Variants in TFCP2L1 observed in about 807,000 individuals in gnomAD.
TFCP2L1 encodes transcription factor CP2-like protein 1.
Under a neutral mutation model 72.2 loss-of-function variants are expected in TFCP2L1, and 12 were observed. The observed-to-expected ratio is 0.17, with a 90% CI of 0.11 to 0.27. The LOEUF (loss-of-function observed/expected upper bound fraction) is 0.27, where lower values mean the gene tolerates loss of function less well. TFCP2L1 is among the 10% of genes least tolerant of loss of function. TFCP2L1 has a pLI of 1.00. For synonymous variants in TFCP2L1, 260 were observed against 251.0 expected (o/e 1.04, Z -0.34); for missense variants, 488 against 624.6 (o/e 0.78, Z 2.33).
chr2:121,242,940 G>C (rs1686409003), intron 6 of TFCP2L1, among the ~76,000 whole-genome samples: 1 of 152,242 alleles, frequency 6.6e-6, no homozygotes, highest in Admixed American at 6.5e-5. Flanking sequence ...TCCATCCAGA[G>C]AGAGAGCCTG....
chr2:121,278,146 C>G (rs1687183884), intron 2 of TFCP2L1, among the ~76,000 whole-genome samples: 2 of 148,580 alleles, frequency 1.3e-5, no homozygotes, highest in African/African-American at 4.9e-5. Flanking sequence ...ACGCCATTCT[C>G]CTGCCTCAGC....
chr2:121,266,669 T>G (rs895326924), intron 2 of TFCP2L1, among the ~76,000 whole-genome samples: 11 of 152,136 alleles, frequency 7.2e-5, no homozygotes, highest in African/African-American at 2.7e-4. Flanking sequence ...GGACTTGCTT[T>G]AATCCGTTCT....
At chr2:121,273,534 C>CG (rs1687087201) in intron 2 of TFCP2L1, among the ~76,000 whole-genome samples, 1 of 152,198 alleles carries the variant, frequency 6.6e-6, no homozygotes, top group Non-Finnish European at 1.5e-5. Flanking sequence ...ACTAGCCACT[C>CG]GGCTTGGTGA....
intron 10 of TFCP2L1, among the ~76,000 whole-genome samples, chr2:121,236,013 G>A (rs145733262): frequency 1.1e-3 from 165 of 152,210 alleles, no homozygotes; most frequent in Non-Finnish European, 1.9e-3. Context: ...GGAATTGAAC[G>A]GTAGGCACTC....
At chr2:121,268,567 A>G (rs1053468537) in intron 2 of TFCP2L1, among the ~76,000 whole-genome samples, 13 of 151,912 alleles carry the variant, frequency 8.6e-5, no homozygotes, top group Non-Finnish European at 7.4e-5. Context: ...CCTATATGGC[A>G]AAAAAATACA....
In TFCP2L1 at chr2:121,222,466, C is replaced by T. The variant is rs1685943936; in HGVS notation, c.*1875G>A. On this transcript the variant is annotated 3_prime_UTR_variant, in exon 15 of 15. Transcript: ENST00000263707. ...ATCTATACAATGAAGTATTATTCAG[C>T]AATACAAAAGAATGAAGTACTGATA... 6.6e-6 allele frequency: 1 copy of T among 152,116 alleles called. No individual in the cohort carries two copies. The highest frequency in any genetic ancestry group is 6.5e-5 in the Admixed American group (1 of 15,272). The allele number at this position is 152,116 out of a possible 1,614,324, so 9.4% of individuals were successfully genotyped here. A position where few individuals can be genotyped will look rare whatever the true frequency, so the allele number is the denominator to read the frequency against.
chr2:121,224,031 G>A lies in TFCP2L1; in HGVS notation c.*310C>T, dbSNP rs111399607. 4,746 of 405,052 alleles carry A rather than the reference G, an allele frequency of 0.012. 176 individuals are homozygous for A. Among genetic ancestry groups the A allele is most frequent in the African/African-American group, 0.083 (4,139 of 49,860 alleles). 25.1% of individuals were successfully genotyped at this position (405,052 alleles called of 1,614,324 possible). A position where few individuals can be genotyped will look rare whatever the true frequency, so the allele number is the denominator to read the frequency against. On this transcript the variant is annotated 3_prime_UTR_variant, in exon 15 of 15. Transcript: ENST00000263707. ...ATCAGCTTCCAACTAAGGGATGAGG[G>A]ATTTCAGAGCAGACGTCTCCACTGT...
rs538589474 is a variant in TFCP2L1 at position 121,275,124 on chromosome 2, C to T, written c.214+5996G>A. Among the ~76,000 whole-genome samples, 5 of 152,070 alleles carry T rather than the reference C, an allele frequency of 3.3e-5. No individual in the cohort carries two copies. The East Asian group carries it at 9.7e-4, about 29-fold the overall frequency. On this transcript the variant is annotated intron_variant, in intron 2 of 14. Coordinates refer to ENST00000263707, the MANE Select transcript of TFCP2L1 (RefSeq NM_014553.3). Reference sequence around the variant, plus strand: ...TAGAGGCTGGGCGCGGTGGCTCACACCTGTAATCCCAGCACTTTGGGAGGC... The same window carrying T: ...TAGAGGCTGGGCGCGGTGGCTCACATCTGTAATCCCAGCACTTTGGGAGGC...
At chr2:121,278,238 T>C (rs1439780477) in intron 2 of TFCP2L1, among the ~76,000 whole-genome samples, 2 of 147,674 alleles carry the variant, frequency 1.4e-5, no homozygotes, top group East Asian at 4.1e-4. Flanking sequence ...GGGTTTCACC[T>C]TGTTAGCCAG....
chr2:121,247,082 C>T, intron 5 of TFCP2L1, 112 bp from the exon 6 acceptor site: 1 of 1,245,590 alleles, frequency 8.0e-7, no homozygotes, highest in Non-Finnish European at 1.1e-6. Context: ...TCAGTGCAGG[C>T]CTGCCTCGAC....
intron 7 of TFCP2L1, among the ~76,000 whole-genome samples, chr2:121,242,083 CAAAAAAAAAAAA>C (rs541937558): frequency 3.1e-5 from 2 of 65,486 alleles, no homozygotes; most frequent in Non-Finnish European, 6.2e-5. Context: ...ATTACCTACT[CAAAAAAAAAAAA>C]AAAAAAAAAA....
At chr2:121,230,767 C>T (rs1686125628) in intron 13 of TFCP2L1, among the ~76,000 whole-genome samples, 1 of 151,840 alleles carries the variant, frequency 6.6e-6, no homozygotes, top group Admixed American at 6.6e-5. Flanking sequence ...TGTCTCACAA[C>T]AACAACAACA....
At chr2:121,259,351 T>TA (rs1463704674) in intron 2 of TFCP2L1, among the ~76,000 whole-genome samples, 1 of 152,084 alleles carries the variant, frequency 6.6e-6, no homozygotes, top group Non-Finnish European at 1.5e-5. Flanking sequence ...AAAATATATA[T>TA]AATAGAGATA....
intron 12 of TFCP2L1, among the ~76,000 whole-genome samples, 181 bp from the exon 13 acceptor site, chr2:121,232,149 TTTGTTTTGTG>T (rs756136975): frequency 8.7e-6 from 1 of 115,116 alleles, no homozygotes; most frequent in African/African-American, 3.1e-5. Flanking sequence ...TTTGTTTTGT[TTTGTTTTGTG>T]ATGGAGTCTC....
intron 2 of TFCP2L1, among the ~76,000 whole-genome samples, chr2:121,250,895 A>G (rs1056855205): frequency 2.0e-5 from 3 of 147,008 alleles, no homozygotes; most frequent in Admixed American, 6.7e-5. Context: ...GTGAGCCACC[A>G]TGCCTGGCCA....
At chr2:121,251,408 A>G (rs1261145761) in intron 2 of TFCP2L1, among the ~76,000 whole-genome samples, 1 of 152,156 alleles carries the variant, frequency 6.6e-6, no homozygotes, top group African/African-American at 2.4e-5. Flanking sequence ...CTTTTTCTGT[A>G]GGCTTGTATG....
At position 121,234,108 on chromosome 2, in the gene TFCP2L1, C is replaced by A; in HGVS notation, c.1181G>T (p.Gly394Val). The part of the protein sequence containing the change: ...VPLQQKRDGS[G>V]DSNLSVYHAI... ...CAACTCACCAGACAGGTTGCTGTCT[C>A]CACTGCCGTCCCGCTTCTGCTGCAG... Residue 394 changes from glycine to valine, a missense_variant, in exon 12 of 15, where the codon GGA (glycine) becomes GTA (valine). Transcript: ENST00000263707. The A allele has an allele frequency of 6.2e-7, 1 of 1,613,670 alleles. No individual in the cohort carries two copies.
At chr2:121,259,741 A>G (rs1192471306) in intron 2 of TFCP2L1, among the ~76,000 whole-genome samples, 1 of 152,240 alleles carries the variant, frequency 6.6e-6, no homozygotes, top group Non-Finnish European at 1.5e-5. Context: ...AAAATAAGTT[A>G]TACTCAAACC....
chr2:121,224,313 T>C lies in TFCP2L1; in HGVS notation c.*28A>G, dbSNP rs1339848932. On this transcript the variant is annotated 3_prime_UTR_variant, in exon 15 of 15. Transcript: ENST00000263707. Reference sequence around the variant, plus strand: ...CACGGGGATCCACAGGGCTGGGAGCTGGAGACAGGTATGAGGTCCACTGCT... The same window carrying C: ...CACGGGGATCCACAGGGCTGGGAGCCGGAGACAGGTATGAGGTCCACTGCT... The C allele has an allele frequency of 1.2e-6, 2 of 1,613,442 alleles. No individual in the cohort carries two copies. The highest frequency in any genetic ancestry group is 1.7e-4 in the Middle Eastern group (1 of 6,036).
Sources: allele counts gnomAD v4.1 joint callset (sites outside exome capture counted in the v4.1 genomes callset), GRCh38; gene constraint gnomAD v4.1.1; transcripts MANE v1.5; gene names NCBI Gene and HGNC (gene_info 2026-07-23, HGNC 2026-07-21).